AQP7: variants seen among roughly 807,000 people sequenced by gnomAD.
The protein encoded by AQP7 is aquaporin-7.
Under a neutral mutation model 26.1 loss-of-function variants are expected in AQP7, and 22 were observed. The observed-to-expected ratio is 0.84, with a 90% CI of 0.60 to 1.20. The LOEUF (loss-of-function observed/expected upper bound fraction) is 1.20. Among genes scored for constraint, AQP7 ranks in the 50% most tolerant of loss-of-function variants. The pLI, the probability that AQP7 is intolerant of heterozygous loss-of-function variation, is 0.00. For missense variants in AQP7, 412 were observed against 457.5 expected, an observed-to-expected ratio of 0.90 and a Z score of 0.91; for synonymous variants, 167 against 181.7, an observed-to-expected ratio of 0.92 and a Z score of 0.65.
chr9:33,385,718 A>G lies in AQP7; in HGVS notation c.674T>C (p.Ile225Thr). 1 of 1,613,960 alleles carries G rather than the reference A, an allele frequency of 6.2e-7. No individual in the cohort carries two copies. Among genetic ancestry groups the G allele is most frequent in the Non-Finnish European group, 8.5e-7 (1 of 1,180,038 alleles). ...GGGGGGCAGGTCCCGGGACGGGTTG[A>G]TGGCATATCCTGTGTTCATGCCAAG... is the stretch of plus-strand genomic sequence containing the variant. ...VSLGMNTGYA[I>T]NPSRDLPPRI... Residue 225 changes from isoleucine (I) to threonine (T), a missense_variant, in exon 7 of 8, where the codon ATC (isoleucine) becomes ACC (threonine). Transcript: ENST00000297988.
At chr9:33,392,844 G>A (rs1342740259) in intron 3 of AQP7, among the ~76,000 whole-genome samples, 2 of 152,130 alleles carry the variant, frequency 1.3e-5, no homozygotes, top group Non-Finnish European at 2.9e-5. Context: ...CCAATACATG[G>A]GTACCACAGG....
Position 33,395,260 on chromosome 9 carries a change from C to T in AQP7, c.27-65G>A, listed in dbSNP as rs564101704. Reference sequence around the variant, plus strand: ...CAAGTCTGCCTGCTGCCCATCGGCTCTTCAACTCCCAGCTGAGTTAATAGG... The same window carrying T: ...CAAGTCTGCCTGCTGCCCATCGGCTTTTCAACTCCCAGCTGAGTTAATAGG... On this transcript the variant is annotated intron_variant, in intron 2 of 7. Coordinates refer to ENST00000297988, the MANE Select transcript of AQP7 (RefSeq NM_001170.3). 1,223 of 1,378,960 alleles carry T rather than the reference C, an allele frequency of 8.9e-4. 20 individuals carry two copies. In the South Asian group the frequency reaches 0.013, roughly 15 times the overall value. 85.4% of individuals were successfully genotyped at this position (1,378,960 alleles called of 1,614,324 possible).
chr9:33,391,889 G>A (rs1176136836), intron 3 of AQP7, among the ~76,000 whole-genome samples: 1 of 152,172 alleles, frequency 6.6e-6, no homozygotes, highest in Non-Finnish European at 1.5e-5. Flanking sequence ...GGAAACTGAG[G>A]CCGAGAGAGG....
intron 3 of AQP7, among the ~76,000 whole-genome samples, chr9:33,390,291 G>A (rs1239498411): frequency 1.3e-5 from 2 of 152,044 alleles, no homozygotes; most frequent in African/African-American, 4.8e-5. Context: ...TGGACAGCTG[G>A]ATTGGTGCAG....
At chr9:33,399,327 A>T (rs1369480569) in intron 2 of AQP7, among the ~76,000 whole-genome samples, 1 of 152,018 alleles carries the variant, frequency 6.6e-6, no homozygotes, top group East Asian at 1.9e-4. Flanking sequence ...AGGCATGGTG[A>T]CTCATGCCTG....
At position 33,385,043 on chromosome 9, in the gene AQP7, G is replaced by A. The variant is rs1192417714; in HGVS notation, c.991C>T (p.Pro331Ser). 2.5e-6 allele frequency: 4 copies of A among 1,611,846 alleles called. No homozygotes were observed. Among genetic ancestry groups the A allele is most frequent in the East Asian group, 2.2e-5 (1 of 44,878 alleles). ...AGGGCCATGGATTCATGTAAGGGTG[G>A]GGCAGGGTGGACTGAAGATCTGTTG... ...PANRSSVHPA[P>S]PLHESMALEH... Residue 331 changes from proline (P) to serine (S), a missense_variant, in exon 8 of 8, where the codon CCA becomes TCA. Transcript: ENST00000297988.
chr9:33,394,486 CTTTT>C (rs56966031), intron 3 of AQP7, among the ~76,000 whole-genome samples: 4 of 115,106 alleles, frequency 3.5e-5, no homozygotes, highest in East Asian at 2.5e-4. Context: ...CTCTCTCTCT[CTTTT>C]TTTTTTTTTT....
intron 3 of AQP7, among the ~76,000 whole-genome samples, chr9:33,389,277 C>T (rs1825160655): frequency 6.6e-6 from 1 of 152,184 alleles, no homozygotes; most frequent in Non-Finnish European, 1.5e-5. Flanking sequence ...GATCCGCCTG[C>T]CTTGGCCTCC....
intron 3 of AQP7, among the ~76,000 whole-genome samples, chr9:33,392,731 A>G (rs1825522295): frequency 6.6e-6 from 1 of 152,184 alleles, no homozygotes; most frequent in South Asian, 2.1e-4. Flanking sequence ...TGCTGTCCTC[A>G]CAGCTCAGGA....
At chr9:33,390,570 C>T (rs1356671036) in intron 3 of AQP7, among the ~76,000 whole-genome samples, 2 of 152,036 alleles carry the variant, frequency 1.3e-5, no homozygotes, top group Non-Finnish European at 2.9e-5. Flanking sequence ...CTGAGCAGGG[C>T]CCACTGGGTC....
chr9:33,385,408 C>A, intron 7 of AQP7, 118 bp from the exon 8 acceptor site: 1 of 1,248,732 alleles, frequency 8.0e-7, no homozygotes, highest in South Asian at 1.4e-5. Context: ...CCAGGAAACA[C>A]CCCCAACCCA....
chr9:33,401,303 G>A lies in AQP7; in HGVS notation c.-25-16C>T, dbSNP rs1042851680. 9.1e-6 allele frequency: 14 copies of A among 1,545,860 alleles called. No homozygotes were observed. The highest frequency in any genetic ancestry group is 3.9e-5 in the Admixed American group (2 of 50,984). The stretch of plus-strand genomic sequence containing the variant: ...TTTGTAGATGCTGAGGAGCCAAAGA[G>A]AGGTCACTAGGGCTGGAGGACACAG... On this transcript the variant is annotated splice_polypyrimidine_tract_variant and intron_variant, in intron 1 of 7. Coordinates refer to ENST00000297988, the MANE Select transcript of AQP7 (RefSeq NM_001170.3).
Position 33,385,764 on chromosome 9 carries a change from C to T in AQP7, c.628G>A (p.Val210Met), listed in dbSNP as rs201192248. ...CCAAGGGACACCCCGATGATGACCA[C>T]GAGGATGCCTATCACCAGCGCCTCT... ...GTEALVIGIL[V>M]VIIGVSLGMN... The change falls in exon 7 of 8, where the codon GTG (valine) becomes ATG (methionine). Residue 210 changes from valine to methionine, a missense_variant. Val to Met is a conservative substitution (Grantham distance 21, BLOSUM62 1). Transcript: ENST00000297988. 2.9e-5 allele frequency: 46 copies of T among 1,613,692 alleles called. No homozygotes were observed. In the East Asian group the frequency reaches 2.9e-4, roughly 10 times the overall value.
intron 2 of AQP7, among the ~76,000 whole-genome samples, chr9:33,397,203 T>C (rs1446382053): frequency 1.3e-5 from 2 of 152,148 alleles, no homozygotes; most frequent in South Asian, 4.2e-4. Flanking sequence ...CTGAACATAG[T>C]AGGCATAGTA....
At chr9:33,390,770 G>T (rs57618138) in intron 3 of AQP7, among the ~76,000 whole-genome samples, 6,733 of 152,266 alleles carry the variant, frequency 0.044, 485 homozygotes, top group African/African-American at 0.15. Flanking sequence ...GAAAACAGAG[G>T]GGCCCCCATG....
At chr9:33,389,449 A>T (rs1279879026) in intron 3 of AQP7, among the ~76,000 whole-genome samples, 1 of 152,154 alleles carries the variant, frequency 6.6e-6, no homozygotes, top group Non-Finnish European at 1.5e-5. Flanking sequence ...TGCTGGGATT[A>T]CAGGTGTGAG....
intron 2 of AQP7, among the ~76,000 whole-genome samples, chr9:33,397,100 CA>C (rs35294363): frequency 0.092 from 7,168 of 78,176 alleles, 172 homozygotes; most frequent in South Asian, 0.19. Context: ...CACCCTGTCT[CA>C]AAAAAAAAAA....
chr9:33,387,087 G>A lies in AQP7; in HGVS notation c.150C>T (p.Phe50=), dbSNP rs138745598. 2.6e-4 allele frequency: 420 copies of A among 1,611,726 alleles called. 6 individuals carry two copies. The South Asian group carries it at 3.2e-3, about 12-fold the overall frequency. The change falls in exon 4 of 8, where the codon TTC becomes TTT. Residue 50 remains phenylalanine, a synonymous_variant. Coordinates refer to ENST00000297988, the MANE Select transcript of AQP7 (RefSeq NM_001170.3). ...EFMSTYVMMV[F]GLGSVAHMVL... is the part of the protein sequence containing the mutation. ...CCATATGGGCCACGGAACCAAGGCC[G>A]AATACCTACAAGGGAGGGCCTCTAA... is the stretch of plus-strand genomic sequence containing the variant.
chr9:33,391,261 C>G (rs1451428286), intron 3 of AQP7, among the ~76,000 whole-genome samples: 3 of 152,220 alleles, frequency 2.0e-5, no homozygotes, highest in African/African-American at 7.2e-5. Flanking sequence ...GTTTCCTTCT[C>G]TCTTGAAAAA....
Sources: gnomAD v4.1 joint callset for allele counts (sites outside exome capture counted in the v4.1 genomes callset) on GRCh38, gnomAD v4.1.1 for gene constraint, MANE v1.5 for transcripts, NCBI Gene and HGNC (gene_info 2026-07-23, HGNC 2026-07-21) for gene names.